The following DLC1 variants were observed in gnomAD, a reference collection of about 807,000 sequenced individuals.
The protein encoded by DLC1 is rho GTPase-activating protein 7.
In DLC1, 54 loss-of-function variants were observed where a neutral mutation model predicts 140.3. That is an observed-to-expected ratio of 0.38 (90% confidence interval 0.31 to 0.48). The LOEUF (loss-of-function observed/expected upper bound fraction) is 0.48. DLC1 is among the 20% of genes least tolerant of loss of function. DLC1 has a pLI of 0.96. For synonymous variants in DLC1, 986 were observed against 728.1 expected (o/e 1.35, Z -5.70); for missense variants, 2,536 against 1,907.0 (o/e 1.33, Z -6.14).
chr8:13,590,390 C>T (rs888955592), intron 1 of DLC1, among the ~76,000 whole-genome samples: 1 of 151,938 alleles, frequency 6.6e-6, no homozygotes. Flanking sequence ...TAGAAGTGAG[C>T]AGTGTGAGAA....
intron 7 of DLC1, 51 bp from the exon 8 acceptor site, chr8:13,102,904 G>T: frequency 1.3e-6 from 2 of 1,499,330 alleles, no homozygotes; most frequent in South Asian, 1.2e-5. Flanking sequence ...ACTCTCTAAT[G>T]AGTGGATAAA....
intron 1 of DLC1, among the ~76,000 whole-genome samples, chr8:13,569,868 C>T (rs978704851): frequency 1.3e-4 from 20 of 152,122 alleles, no homozygotes; most frequent in African/African-American, 4.1e-4. Flanking sequence ...ACTACAGGTG[C>T]GTGCCGCCAC....
intron 2 of DLC1, among the ~76,000 whole-genome samples, chr8:13,463,299 G>T (rs1237658532): frequency 6.6e-6 from 1 of 151,976 alleles, no homozygotes; most frequent in African/African-American, 2.4e-5. Flanking sequence ...TCTATTAGCT[G>T]CAAAGGAGAA....
At chr8:13,206,186 A>C (rs1285812928) in intron 5 of DLC1, among the ~76,000 whole-genome samples, 1 of 152,214 alleles carries the variant, frequency 6.6e-6, no homozygotes, top group African/African-American at 2.4e-5. Context: ...CAATGATCTA[A>C]AGACTCATTG....
chr8:13,158,252 A>T (rs186464776), intron 5 of DLC1, among the ~76,000 whole-genome samples: 3 of 152,292 alleles, frequency 2.0e-5, no homozygotes, highest in Non-Finnish European at 2.9e-5. Context: ...TTAAGTGTAC[A>T]CTTATTTATG....
At chr8:13,405,965 CTTT>C (rs2117272972) in intron 2 of DLC1, among the ~76,000 whole-genome samples, 9 of 86,966 alleles carry the variant, frequency 1.0e-4, no homozygotes, top group African/African-American at 1.7e-4. Flanking sequence ...TTCTTTCTTT[CTTT>C]CTTTCATCTC....
At chr8:13,171,722 A>G (rs1375373053) in intron 5 of DLC1, among the ~76,000 whole-genome samples, 1 of 152,114 alleles carries the variant, frequency 6.6e-6, no homozygotes, top group Non-Finnish European at 1.5e-5. Context: ...TACACAGAGG[A>G]GAAAGTGGAC....
intron 2 of DLC1, among the ~76,000 whole-genome samples, chr8:13,456,018 T>C (rs1450538025): frequency 6.6e-6 from 1 of 152,236 alleles, no homozygotes; most frequent in South Asian, 2.1e-4. Flanking sequence ...ATTCAACAAG[T>C]GTTGTCTTCC....
intron 4 of DLC1, among the ~76,000 whole-genome samples, chr8:13,353,969 G>T (rs1486351939): frequency 6.6e-6 from 1 of 152,038 alleles, no homozygotes; most frequent in Admixed American, 6.6e-5. Context: ...GAGGCTGATG[G>T]GTTCCTTCTG....
intron 1 of DLC1, among the ~76,000 whole-genome samples, chr8:13,551,147 G>C (rs1803835358): frequency 6.8e-6 from 1 of 147,598 alleles, no homozygotes; most frequent in South Asian, 2.1e-4. Flanking sequence ...TATTACCTTA[G>C]CCAAAATCCC....
At chr8:13,390,984 C>CAAAAAAAAAAAAAAAAAAAA (rs1430798740) in intron 4 of DLC1, among the ~76,000 whole-genome samples, 1 of 71,074 alleles carries the variant, frequency 1.4e-5, no homozygotes, top group African/African-American at 5.6e-5. Flanking sequence ...GACTCCGTCT[C>CAAAAAAAAAAAAAAAAAAAA]AAAAAAAAAA....
intron 1 of DLC1, among the ~76,000 whole-genome samples, chr8:13,589,920 A>T (rs538255055): frequency 1.2e-4 from 19 of 152,014 alleles, no homozygotes; most frequent in Admixed American, 8.5e-4. Flanking sequence ...TGCACCAAAT[A>T]TGTTCACAGC....
At chr8:13,394,966 T>C (rs560474377) in intron 3 of DLC1, among the ~76,000 whole-genome samples, 5 of 152,148 alleles carry the variant, frequency 3.3e-5, no homozygotes, top group African/African-American at 9.6e-5. Flanking sequence ...ACATATTCTC[T>C]ATTTTCCAAT....
intron 5 of DLC1, among the ~76,000 whole-genome samples, chr8:13,268,612 GCTTCAAGTGATCCTTCCAC>G (rs1239833907): frequency 1.3e-5 from 2 of 152,088 alleles, no homozygotes; most frequent in Non-Finnish European, 2.9e-5. Context: ...TGAACTCATG[GCTTCAAGTGATCCTTCCAC>G]CTTGGTCTCC....
At chr8:13,221,525 C>T (rs915896784) in intron 5 of DLC1, among the ~76,000 whole-genome samples, 11 of 151,370 alleles carry the variant, frequency 7.3e-5, no homozygotes, top group Non-Finnish European at 1.5e-4. Flanking sequence ...CATGCACCAC[C>T]ACGCCCAGCT....
chr8:13,446,519 G>T lies in DLC1; in HGVS notation c.1024-44900C>A, dbSNP rs115220151. Among the ~76,000 whole-genome samples the T allele has an allele frequency of 4.3e-3, 658 of 151,644 alleles. 1 individual carries two copies. The highest frequency in any genetic ancestry group is 0.015 in the African/African-American group (625 of 41,314). ...TCATACACTGGAGCCAGTGAACTTTGGCTTTGTGTACATAGAAAGAAGGAG... is the reference window on the plus strand; with the variant it reads ...TCATACACTGGAGCCAGTGAACTTTTGCTTTGTGTACATAGAAAGAAGGAG... On this transcript the variant is annotated intron_variant, in intron 2 of 17. Coordinates refer to ENST00000276297, the MANE Select transcript of DLC1 (RefSeq NM_182643.3).
chr8:13,237,172 G>A (rs1371128609), intron 5 of DLC1, among the ~76,000 whole-genome samples: 1 of 149,008 alleles, frequency 6.7e-6, no homozygotes, highest in Non-Finnish European at 1.5e-5. Context: ...ATGATCCTGG[G>A]GAGGATGTGT....
chr8:13,187,205 T>C (rs1041759977), intron 5 of DLC1, among the ~76,000 whole-genome samples: 1 of 152,164 alleles, frequency 6.6e-6, no homozygotes, highest in Non-Finnish European at 1.5e-5. Flanking sequence ...ATACAGAATG[T>C]ATAATTTATT....
intron 1 of DLC1, among the ~76,000 whole-genome samples, chr8:13,546,568 G>C (rs1159257129): frequency 6.6e-6 from 1 of 152,102 alleles, no homozygotes; most frequent in African/African-American, 2.4e-5. Flanking sequence ...GTTTATCCAT[G>C]AATCACCAAC....
Sources: gnomAD v4.1 joint callset for allele counts (sites outside exome capture counted in the v4.1 genomes callset) on GRCh38, gnomAD v4.1.1 for gene constraint, MANE v1.5 for transcripts, NCBI Gene and HGNC (gene_info 2026-07-23, HGNC 2026-07-21) for gene names.